The following SPTBN2 variants were observed in gnomAD, a reference collection of about 807,000 sequenced individuals.
The protein encoded by SPTBN2 is spectrin beta chain, non-erythrocytic 2.
A neutral mutation model predicts 284.2 loss-of-function variants in SPTBN2; 107 were observed. The observed-to-expected ratio is 0.38, with a 90% CI of 0.32 to 0.44. The LOEUF is 0.44. SPTBN2 is among the 20% of genes least tolerant of loss of function. The pLI is 1.00. For missense variants in SPTBN2, 2,569 were observed against 3,287.1 expected (o/e 0.78, Z 5.34); for synonymous variants, 1,289 against 1,354.8 (o/e 0.95, Z 1.07).
chr11:66,691,784 G>A lies in SPTBN2; in HGVS notation c.5191-126C>T. ...TCCCCGCTGCATGGGGGCCGGGACAGGTTTCTTCCCTGTGGTTAAGGAGTA... is the reference window on the plus strand; with the variant it reads ...TCCCCGCTGCATGGGGGCCGGGACAAGTTTCTTCCCTGTGGTTAAGGAGTA... On this transcript the variant is annotated intron_variant, in intron 26 of 37. Coordinates refer to ENST00000533211, the MANE Select transcript of SPTBN2 (RefSeq NM_006946.4). This position sits in a 1 kb window ranked among gnomAD's most constrained non-coding sequence, Gnocchi z 8.0. 1 of 1,418,330 alleles carries A rather than the reference G, an allele frequency of 7.1e-7. No homozygotes were observed. The highest frequency in any genetic ancestry group is 9.7e-7 in the Non-Finnish European group (1 of 1,031,018). The allele number at this position is 1,418,330 out of a possible 1,614,324, so 87.9% of individuals were successfully genotyped here.
upstream of SPTBN2, among the ~76,000 whole-genome samples, chr11:66,732,464 A>G (rs1013885715): frequency 1.3e-5 from 2 of 152,142 alleles, no homozygotes; most frequent in African/African-American, 4.8e-5. Context: ...CCTGGCTAAC[A>G]CAGTGAAACC....
At position 66,699,023 on chromosome 11, in the gene SPTBN2, T is replaced by A. The variant is rs751933324; in HGVS notation, c.3836A>T (p.Glu1279Val). The change falls in exon 19 of 38, where the codon GAG (glutamate) becomes GTG (valine). Residue 1279 changes from glutamate to valine, a missense_variant. By Grantham distance (121) the Glu-to-Val change is moderately radical. This residue lies in a region of SPTBN2 where 1,012 missense variants were observed against 1,248.9 expected (regional missense o/e 0.81). Transcript: ENST00000533211. ...QFLGRLRDNR[E>V]QQHFLQDCHE... ...ACAATCTTGCAGGAAATGCTGCTGC[T>A]CCCGGTTGTCCCGAAGACGGCCCAG... 2 of 1,614,172 alleles carry A rather than the reference T, an allele frequency of 1.2e-6. No individual in the cohort carries two copies.
At chr11:66,728,252 G>C (rs1942704282) in intron 1 of SPTBN2, 1 of 145,700 alleles carries the variant, frequency 6.9e-6, no homozygotes. Flanking sequence ...GCGACGGGCG[G>C]TTGCAGGCAG....
chr11:66,721,327 G>C, intron 2 of SPTBN2, 23 bp downstream of exon 2: 1 of 1,562,632 alleles, frequency 6.4e-7, no homozygotes, highest in African/African-American at 1.4e-5. Context: ...TCACCACCGG[G>C]GCCTTCTGTC....
At chr11:66,711,762 G>A (rs1224060676) in intron 8 of SPTBN2, among the ~76,000 whole-genome samples, 7 of 152,132 alleles carry the variant, frequency 4.6e-5, no homozygotes, top group Non-Finnish European at 8.8e-5. Flanking sequence ...AAGTCATCTC[G>A]GAAAGTTACA....
chr11:66,698,066 C>G (rs1941028404), intron 20 of SPTBN2, among the ~76,000 whole-genome samples: 1 of 152,136 alleles, frequency 6.6e-6, no homozygotes, highest in Admixed American at 6.6e-5. Flanking sequence ...GTCCTTGACT[C>G]TTGAGGAACA....
intron 16 of SPTBN2, 24 bp downstream of exon 16, chr11:66,701,560 C>A: frequency 6.2e-7 from 1 of 1,614,118 alleles, no homozygotes. Context: ...TGTCAGTTTC[C>A]TGGTCCTGCC....
In SPTBN2 at chr11:66,715,687, C is replaced by T; in HGVS notation, c.309+143G>A. ...CTATGTAATCTAAGTGGCAAAGGCA[C>T]TTGAAATGAACCCATCCTCTGAGCA... is the stretch of plus-strand genomic sequence containing the variant. On this transcript the variant is annotated intron_variant, in intron 4 of 37. Coordinates refer to ENST00000533211, the MANE Select transcript of SPTBN2 (RefSeq NM_006946.4). The surrounding 1 kb of genome is among the most constrained non-coding windows in gnomAD (Gnocchi z 5.3). 1 of 1,222,166 alleles carries T rather than the reference C, an allele frequency of 8.2e-7. No homozygotes were observed. Among genetic ancestry groups the T allele is most frequent in the Non-Finnish European group, 1.2e-6 (1 of 859,602 alleles). The allele number at this position is 1,222,166 out of a possible 1,614,324, so 75.7% of individuals were successfully genotyped here. A position where few individuals can be genotyped will look rare whatever the true frequency, so the allele number is the denominator to read the frequency against.
At position 66,708,925 on chromosome 11, in the gene SPTBN2, G is replaced by T; in HGVS notation, c.1168C>A (p.Arg390=). ...NQKVYTPREG[R]LISDINKAWE... is the part of the protein sequence containing the mutation. ...ACCTTGTTGATGTCCGAGATGAGCC[G>T]GCCCTCGCGGGGCGTGTAGACCTTC... Residue 390 remains arginine, a synonymous_variant, in exon 11 of 38, where the codon CGG becomes AGG. Transcript: ENST00000533211. This position sits in a 1 kb window ranked among gnomAD's most constrained non-coding sequence, Gnocchi z 4.4. 1 of 1,614,002 alleles carries T rather than the reference G, an allele frequency of 6.2e-7. No homozygotes were observed. Among genetic ancestry groups the T allele is most frequent in the African/African-American group, 1.3e-5 (1 of 75,010 alleles).
At chr11:66,732,284 C>T (rs572824335), upstream of SPTBN2, among the ~76,000 whole-genome samples, 3 of 152,236 alleles carry the variant, frequency 2.0e-5, no homozygotes, top group Admixed American at 1.3e-4. Flanking sequence ...GACCCTTGAA[C>T]CCATGTTCTT....
At chr11:66,705,547 C>G (rs1478505106) in intron 14 of SPTBN2, 79 bp from the exon 15 acceptor site, 5 of 1,606,530 alleles carry the variant, frequency 3.1e-6, no homozygotes, top group Non-Finnish European at 4.2e-6. Context: ...TCTTGGACTT[C>G]CCTCCCTGGC....
intron 1 of SPTBN2, chr11:66,728,185 G>A (rs1942698683): frequency 6.9e-6 from 1 of 145,748 alleles, no homozygotes. Flanking sequence ...GCGGCCGGGC[G>A]GGCGGGGGCG....
rs533645041 is a variant in SPTBN2 at position 66,705,705 on chromosome 11, G to A, written c.1786C>T (p.Arg596Cys). 1.1e-5 allele frequency: 18 copies of A among 1,611,906 alleles called. No homozygotes were observed. The East Asian group carries it at 1.8e-4, about 16-fold the overall frequency. The part of the protein sequence containing the change: ...RVRAVSASAL[R>C]FCNPGKEYRP... Reference sequence around the variant, plus strand: ...TCACCTTTCCCTGGGTTGCAGAAGCGCAGGGCAGAGGCGCTGACGGCCCGC... The same window carrying A: ...TCACCTTTCCCTGGGTTGCAGAAGCACAGGGCAGAGGCGCTGACGGCCCGC... Residue 596 changes from arginine (R) to cysteine (C), a missense_variant, in exon 14 of 38, where the codon CGC becomes TGC. By Grantham distance (180) the Arg-to-Cys change is radical. Around this residue, in one of 6 missense-constraint regions of SPTBN2, gnomAD observed 1,012 missense variants for 1,248.9 expected, o/e 0.81. Coordinates refer to ENST00000533211, the MANE Select transcript of SPTBN2 (RefSeq NM_006946.4).
At position 66,690,303 on chromosome 11, in the gene SPTBN2, A is replaced by C. The variant is rs367743617; in HGVS notation, c.5566-20T>G. ...CTGGACCTGCGGAGCCCCGGGTCAG[A>C]GTCAGGCAGAGCGGGGGACTCCAAG... On this transcript the variant is annotated intron_variant, in intron 27 of 37. Transcript: ENST00000533211. 2.7e-4 allele frequency: 422 copies of C among 1,589,390 alleles called. 1 individual carries two copies. The African/African-American group carries it at 4.5e-3, about 17-fold the overall frequency.
At chr11:66,696,641 T>A in intron 20 of SPTBN2, 101 bp from the exon 21 acceptor site, 1 of 1,488,936 alleles carries the variant, frequency 6.7e-7, no homozygotes, top group Non-Finnish European at 9.2e-7. Context: ...ACCTGAAGTG[T>A]GGGCAATAAT....
At chr11:66,686,663 G>C (rs1448073612) in intron 36 of SPTBN2, 1 of 643,234 alleles carries the variant, frequency 1.6e-6, no homozygotes, top group Non-Finnish European at 2.7e-6. Context: ...TTCCACCCCA[G>C]CCCGGGCCTC....
Position 66,700,414 on chromosome 11 carries a change from T to C in SPTBN2, c.3573+112A>G, listed in dbSNP as rs954969729. 6.8e-6 allele frequency: 10 copies of C among 1,475,248 alleles called. No homozygotes were observed. The highest frequency in any genetic ancestry group is 9.3e-6 in the Non-Finnish European group (10 of 1,076,852). The allele number at this position is 1,475,248 out of a possible 1,614,324, so 91.4% of individuals were successfully genotyped here. A position where few individuals can be genotyped will look rare whatever the true frequency, so the allele number is the denominator to read the frequency against. ...TGCTGGAATTTCAGGTGTGAACCAC[T>C]GCGCTGCCCCATTTTGCTAGCATGT... On this transcript the variant is annotated intron_variant, in intron 17 of 37. Transcript: ENST00000533211. This position sits in a 1 kb window ranked among gnomAD's most constrained non-coding sequence, Gnocchi z 6.6.
Position 66,713,753 on chromosome 11 carries a change from G to C in SPTBN2, c.657-7C>G, listed in dbSNP as rs758925003. 8.2e-6 allele frequency: 13 copies of C among 1,593,402 alleles called. No individual in the cohort carries two copies. The highest frequency in any genetic ancestry group is 4.0e-5 in the African/African-American group (3 of 74,492). ...AAAATCCAGCAGGTCTGGCCTGGGT[G>C]GGGAGGCAAGACAGAAGGGATCAGA... On this transcript the variant is annotated splice_region_variant and splice_polypyrimidine_tract_variant and intron_variant, in intron 7 of 37. Coordinates refer to ENST00000533211, the MANE Select transcript of SPTBN2 (RefSeq NM_006946.4).
chr11:66,725,358 T>C (rs890066000), intron 1 of SPTBN2, among the ~76,000 whole-genome samples: 3 of 152,242 alleles, frequency 2.0e-5, no homozygotes, highest in Admixed American at 2.0e-4. Context: ...TTTTGGACAA[T>C]ATGCTGTGTT....
Sources: allele counts gnomAD v4.1 joint callset (sites outside exome capture counted in the v4.1 genomes callset), GRCh38; gene constraint gnomAD v4.1.1; regional missense constraint gnomAD v4.1.1; non-coding constraint Gnocchi (gnomAD v3.1); transcripts MANE v1.5; gene names NCBI Gene and HGNC (gene_info 2026-07-23, HGNC 2026-07-21).